Variants in PDE4C observed in about 807,000 individuals in gnomAD.
PDE4C encodes the protein 3',5'-cyclic-AMP phosphodiesterase 4C.
In PDE4C, 50 loss-of-function variants were observed where a neutral mutation model predicts 63.9. That is an observed-to-expected ratio of 0.78 (90% CI 0.62 to 0.99). The LOEUF (loss-of-function observed/expected upper bound fraction) is 0.99. Among genes scored for constraint, PDE4C ranks in the 50% least tolerant of loss-of-function variants. The pLI is 0.00. For synonymous variants in PDE4C, 377 were observed against 385.1 expected (o/e 0.98, Z 0.25); for missense variants, 777 against 899.1 (o/e 0.86, Z 1.74).
intron 1 of PDE4C, among the ~76,000 whole-genome samples, chr19:18,223,347 A>G (rs1235650072): frequency 6.6e-6 from 1 of 151,996 alleles, no homozygotes; most frequent in East Asian, 1.9e-4. Flanking sequence ...AGGAGCTGGG[A>G]TTACAGGCGT....
intron 11 of PDE4C, chr19:18,217,406 TCCTCCCACTTCGG>T (rs1273666830): frequency 6.5e-6 from 1 of 153,066 alleles, no homozygotes; most frequent in Non-Finnish European, 1.5e-5. Context: ...CTTCAAGCAA[TCCTCCCACTTCGG>T]CCTCCCACAA....
chr19:18,221,438 G>T, intron 2 of PDE4C, 141 bp from the exon 3 acceptor site: 1 of 741,034 alleles, frequency 1.3e-6, no homozygotes, highest in South Asian at 1.9e-5. Context: ...CCCCTCATGC[G>T]ACTCTCCCTG....
intron 1 of PDE4C, among the ~76,000 whole-genome samples, chr19:18,245,143 GTTT>G (rs768170822): frequency 7.8e-6 from 1 of 127,874 alleles, no homozygotes; most frequent in African/African-American, 3.1e-5. Context: ...CCTGTTGTTG[GTTT>G]TTTGTTTGTT....
intron 1 of PDE4C, among the ~76,000 whole-genome samples, chr19:18,247,178 C>T (rs1367554313): frequency 6.6e-6 from 1 of 152,226 alleles, no homozygotes; most frequent in Non-Finnish European, 1.5e-5. Flanking sequence ...CTCCTGCTCC[C>T]AAAAGCAGTG....
chr19:18,229,365 C>T (rs1968803100), upstream of PDE4C, among the ~76,000 whole-genome samples: 1 of 152,116 alleles, frequency 6.6e-6, no homozygotes, highest in African/African-American at 2.4e-5. Context: ...CTCAACCTCC[C>T]AAGTAGCTGG....
upstream of PDE4C, among the ~76,000 whole-genome samples, chr19:18,250,693 A>G (rs1969220142): frequency 6.6e-6 from 1 of 151,632 alleles, no homozygotes; most frequent in Non-Finnish European, 1.5e-5. Flanking sequence ...TGCAGCCTCT[A>G]TCTCCTGGGC....
chr19:18,254,390 C>T, the PDE4C span, among the ~76,000 whole-genome samples: 1 of 152,200 alleles, frequency 6.6e-6, no homozygotes. Context: ...ACTGAGTAGG[C>T]ACTGGTGAGC....
chr19:18,221,041 G>T, intron 4 of PDE4C, 64 bp downstream of exon 4: 5 of 850,758 alleles, frequency 5.9e-6, no homozygotes, highest in South Asian at 3.3e-5. Context: ...TCAATTTGCA[G>T]CCCGCTTTCC....
upstream of PDE4C, among the ~76,000 whole-genome samples, chr19:18,252,807 G>C (rs1426828889): frequency 1.3e-5 from 2 of 152,122 alleles, no homozygotes; most frequent in African/African-American, 4.8e-5. Context: ...TAGTTTCACT[G>C]TGCTGGCCAG....
At chr19:18,231,905 C>A (rs1171151725) in intron 1 of PDE4C, among the ~76,000 whole-genome samples, 1 of 151,922 alleles carries the variant, frequency 6.6e-6, no homozygotes, top group South Asian at 2.1e-4. Flanking sequence ...GCAGCCCCTC[C>A]TTACTTAAGT....
chr19:18,222,282 A>G, exon 2 of PDE4C: 1 of 1,613,544 alleles, frequency 6.2e-7, no homozygotes, highest in Non-Finnish European at 8.5e-7. Context: ...CTGAGGGTCC[A>G]GGGCCCTCCT....
chr19:18,245,078 G>T (rs1030556217), intron 1 of PDE4C, among the ~76,000 whole-genome samples: 1 of 151,968 alleles, frequency 6.6e-6, no homozygotes, highest in Admixed American at 6.6e-5. Flanking sequence ...CTCATGATCC[G>T]CCAGTTGTGG....
At chr19:18,210,085 G>C (rs1426195456), downstream of PDE4C, 1 of 152,558 alleles carries the variant, frequency 6.6e-6, no homozygotes, top group Non-Finnish European at 1.5e-5. Flanking sequence ...CAGTGATGCA[G>C]TCATAGCTCT....
downstream of PDE4C, chr19:18,209,668 C>G (rs141310087): frequency 3.4e-5 from 5 of 148,832 alleles, no homozygotes; most frequent in African/African-American, 1.2e-4. Flanking sequence ...GGATTACAGG[C>G]GTGAGCCACC....
intron 11 of PDE4C, among the ~76,000 whole-genome samples, chr19:18,217,500 C>T (rs970214539): frequency 6.6e-6 from 1 of 152,112 alleles, no homozygotes; most frequent in Non-Finnish European, 1.5e-5. Context: ...GAGGGGCCTC[C>T]ACTCTCACCC....
In PDE4C at chr19:18,214,266, AT is replaced by A. The variant is rs1362208062; in HGVS notation, c.1390-777del. On this transcript the variant is annotated intron_variant, in intron 12 of 14. Coordinates refer to ENST00000262805, the Ensembl canonical transcript of PDE4C. ...ACTCCGTCTCAAAAAAAAAAAAAAA[AT>A]AACCCATCCTCTAGGATGCCTCTGT... 5.3e-5 allele frequency among the ~76,000 whole-genome samples: 8 copies of A among 151,590 alleles called. No individual in the cohort carries two copies. In the South Asian group the frequency reaches 6.2e-4, roughly 12 times the overall value.
exon 15 of PDE4C, chr19:18,210,757 G>T (rs1967884285): frequency 8.5e-7 from 1 of 1,171,636 alleles, no homozygotes; most frequent in Non-Finnish European, 1.1e-6. Context: ...ACCCCAGCCA[G>T]GTGCCTCCAA....
chr19:18,211,823 C>G, exon 14 of PDE4C: 2 of 1,614,272 alleles, frequency 1.2e-6, no homozygotes, highest in South Asian at 1.1e-5. Flanking sequence ...GCCCGACTCA[C>G]GCTCGCGGTC....
upstream of PDE4C, among the ~76,000 whole-genome samples, chr19:18,237,547 A>C (rs1968973110): frequency 1.3e-5 from 2 of 149,222 alleles, no homozygotes; most frequent in Non-Finnish European, 3.0e-5. Context: ...GTGAAATTCC[A>C]TCTCAAAAAT....
Sources: allele counts gnomAD v4.1 joint callset (sites outside exome capture counted in the v4.1 genomes callset), GRCh38; gene constraint gnomAD v4.1.1; transcripts MANE v1.5; gene names NCBI Gene and HGNC (gene_info 2026-07-23, HGNC 2026-07-21).